The following DIPK1A variants were observed in gnomAD, a reference collection of about 807,000 sequenced individuals.
The protein encoded by DIPK1A is divergent protein kinase domain 1A.
A neutral mutation model predicts 40.8 loss-of-function variants in DIPK1A; 27 were observed. The observed-to-expected ratio is 0.66, with a 90% CI of 0.49 to 0.91. The LOEUF (loss-of-function observed/expected upper bound fraction) is 0.91. Ranked by LOEUF, DIPK1A falls within the 40% of genes least tolerant of loss-of-function variation. The pLI is 0.00. For synonymous variants in DIPK1A, 166 were observed against 171.3 expected, an observed-to-expected ratio of 0.97 and a Z score of 0.24; for missense variants, 412 against 505.7, an observed-to-expected ratio of 0.81 and a Z score of 1.78.
chr1:92,918,746 C>T (rs1477271579), intron 1 of DIPK1A, among the ~76,000 whole-genome samples: 1 of 152,084 alleles, frequency 6.6e-6, no homozygotes, highest in African/African-American at 2.4e-5. Context: ...GGACGGGTTT[C>T]GTGGAAGACG....
At chr1:92,925,078 T>C (rs918757086) in intron 1 of DIPK1A, among the ~76,000 whole-genome samples, 2 of 152,242 alleles carry the variant, frequency 1.3e-5, no homozygotes, top group Non-Finnish European at 2.9e-5. Context: ...TTCTTCTCCT[T>C]ATCATTAATG....
At chr1:92,951,758 T>C (rs1215042346) in intron 1 of DIPK1A, among the ~76,000 whole-genome samples, 1 of 152,106 alleles carries the variant, frequency 6.6e-6, no homozygotes, top group Non-Finnish European at 1.5e-5. Flanking sequence ...CCAGTCTAAT[T>C]TACTTTCCCC....
intron 1 of DIPK1A, among the ~76,000 whole-genome samples, chr1:92,880,731 G>C (rs998754298): frequency 6.6e-6 from 1 of 151,980 alleles, no homozygotes; most frequent in African/African-American, 2.4e-5. Context: ...TTGGCTGGGC[G>C]TGGTGGCGTG....
chr1:92,893,802 A>C (rs944526534), intron 1 of DIPK1A, among the ~76,000 whole-genome samples: 26 of 152,070 alleles, frequency 1.7e-4, no homozygotes, highest in African/African-American at 2.4e-5. Flanking sequence ...AAGGGGATGG[A>C]GGAAGATCTA....
At chr1:92,838,207 A>G (rs1178322990), downstream of DIPK1A, among the ~76,000 whole-genome samples, 1 of 152,222 alleles carries the variant, frequency 6.6e-6, no homozygotes, top group Non-Finnish European at 1.5e-5. Flanking sequence ...TAGTTGGGAA[A>G]TGACCACTTT....
intron 1 of DIPK1A, among the ~76,000 whole-genome samples, chr1:92,934,666 T>C (rs1479966141): frequency 6.6e-6 from 1 of 152,184 alleles, no homozygotes; most frequent in Non-Finnish European, 1.5e-5. Flanking sequence ...TCTTGAAACA[T>C]AGATACTATG....
chr1:92,940,531 T>A (rs1456665287), intron 1 of DIPK1A, among the ~76,000 whole-genome samples: 1 of 152,236 alleles, frequency 6.6e-6, no homozygotes, highest in Non-Finnish European at 1.5e-5. Context: ...CTACCTCTGA[T>A]ATTTAAGATT....
At chr1:92,855,047 T>C (rs940058804) in intron 2 of DIPK1A, among the ~76,000 whole-genome samples, 2 of 151,752 alleles carry the variant, frequency 1.3e-5, no homozygotes, top group African/African-American at 2.4e-5. Context: ...AGCTCAAACA[T>C]GGCCCATTGC....
chr1:92,842,931 CT>C lies in DIPK1A; in HGVS notation c.*451del. 1 of 988,440 alleles carries C rather than the reference CT, an allele frequency of 1.0e-6. No individual in the cohort carries two copies. Among genetic ancestry groups the C allele is most frequent in the Non-Finnish European group, 1.2e-6 (1 of 832,032 alleles). The allele number at this position is 988,440 out of a possible 1,614,324, so 61.2% of individuals were successfully genotyped here. The stretch of plus-strand genomic sequence containing the variant: ...TTTATAAAGAAGCAAGTTTAACCTG[CT>C]TTGCAGTCTTAATTTCTGTTAATGT... On this transcript the variant is annotated 3_prime_UTR_variant, in exon 5 of 5. Coordinates refer to ENST00000370310, the MANE Select transcript of DIPK1A (RefSeq NM_001006605.5).
chr1:92,868,027 T>C (rs1208060201), intron 2 of DIPK1A, among the ~76,000 whole-genome samples: 2 of 152,244 alleles, frequency 1.3e-5, no homozygotes, highest in Admixed American at 6.5e-5. Context: ...TCAACGGATA[T>C]GTCAGAGCAT....
At chr1:92,952,229 T>C (rs1005624903) in intron 1 of DIPK1A, among the ~76,000 whole-genome samples, 3 of 152,168 alleles carry the variant, frequency 2.0e-5, no homozygotes, top group Non-Finnish European at 4.4e-5. Flanking sequence ...AATGCTGAGA[T>C]TAAGAAACCC....
At chr1:92,885,126 A>T (rs1648537275) in intron 1 of DIPK1A, among the ~76,000 whole-genome samples, 1 of 152,182 alleles carries the variant, frequency 6.6e-6, no homozygotes. Flanking sequence ...AATACTGAAG[A>T]GACCAGGGAG....
At chr1:92,865,276 T>C (rs1647483614) in intron 2 of DIPK1A, among the ~76,000 whole-genome samples, 1 of 151,756 alleles carries the variant, frequency 6.6e-6, no homozygotes, top group Admixed American at 6.6e-5. Context: ...GGTGGGAGGA[T>C]CCCTGGATCC....
chr1:92,946,009 A>T (rs1030191182), intron 1 of DIPK1A, among the ~76,000 whole-genome samples: 2 of 152,222 alleles, frequency 1.3e-5, no homozygotes, highest in Non-Finnish European at 2.9e-5. Context: ...ATTTCTAAAT[A>T]CAAGGGACTT....
At chr1:92,959,517 T>C (rs1288433856) in intron 1 of DIPK1A, among the ~76,000 whole-genome samples, 1 of 146,204 alleles carries the variant, frequency 6.8e-6, no homozygotes, top group East Asian at 2.1e-4. Context: ...AGTGGCACGA[T>C]CACGGCTCAC....
intron 1 of DIPK1A, among the ~76,000 whole-genome samples, chr1:92,959,569 A>C (rs911351614): frequency 6.8e-6 from 1 of 147,606 alleles, no homozygotes; most frequent in Non-Finnish European, 1.5e-5. Flanking sequence ...CTCCTGCCTC[A>C]GCCTCCCGAG....
chr1:92,892,673 G>T lies in DIPK1A; in HGVS notation c.55-16243C>A, dbSNP rs184330230. 1.2e-3 allele frequency among the ~76,000 whole-genome samples: 182 copies of T among 152,202 alleles called. 2 individuals carry two copies. Among genetic ancestry groups the T allele is most frequent in the Non-Finnish European group, 1.7e-3 (114 of 68,026 alleles). ...GGAGAATGACTTTGACGAGTTGAGAGAAGAAGGCTTCAGATGATCAAACTA... is the reference window on the plus strand; with the variant it reads ...GGAGAATGACTTTGACGAGTTGAGATAAGAAGGCTTCAGATGATCAAACTA... On this transcript the variant is annotated intron_variant, in intron 1 of 4. Transcript: ENST00000370310.
At chr1:92,930,317 T>C (rs868398299) in intron 1 of DIPK1A, among the ~76,000 whole-genome samples, 1 of 152,320 alleles carries the variant, frequency 6.6e-6, no homozygotes, top group Middle Eastern at 3.4e-3. Flanking sequence ...CCACTCCCCA[T>C]TGGCCATTTT....
intron 2 of DIPK1A, among the ~76,000 whole-genome samples, chr1:92,856,338 A>C (rs142810741): frequency 6.6e-6 from 1 of 151,796 alleles, no homozygotes; most frequent in East Asian, 1.9e-4. Context: ...ATAAAAATTG[A>C]ATCAATAACC....
Sources: gnomAD v4.1 joint callset for allele counts (sites outside exome capture counted in the v4.1 genomes callset) on GRCh38, gnomAD v4.1.1 for gene constraint, MANE v1.5 for transcripts, NCBI Gene and HGNC (gene_info 2026-07-23, HGNC 2026-07-21) for gene names.